Variants in AKAP19 observed in about 807,000 individuals in gnomAD.
AKAP19 encodes the protein small A-kinase anchoring protein.
At chr2:190,171,117 C>A in the AKAP19 span, among the ~76,000 whole-genome samples, 1 of 151,968 alleles carries the variant, frequency 6.6e-6, no homozygotes, top group South Asian at 2.1e-4. Flanking sequence ...CTCTAGGAAG[C>A]CAATCAAACA....
the AKAP19 span, among the ~76,000 whole-genome samples, chr2:190,081,637 C>T: frequency 6.6e-6 from 1 of 152,142 alleles, no homozygotes; most frequent in Non-Finnish European, 1.5e-5. Flanking sequence ...GTTTTATAGA[C>T]TTAAATTATT....
the AKAP19 span, among the ~76,000 whole-genome samples, chr2:190,009,996 C>A: frequency 6.6e-6 from 1 of 152,030 alleles, no homozygotes; most frequent in Non-Finnish European, 1.5e-5. Context: ...AAAAAAAGAG[C>A]AAGGATAGCT....
At chr2:190,127,939 T>G in the AKAP19 span, among the ~76,000 whole-genome samples, 2 of 151,940 alleles carry the variant, frequency 1.3e-5, no homozygotes, top group Admixed American at 1.3e-4. Context: ...AACCTGAGAA[T>G]TCACAGATAT....
the AKAP19 span, among the ~76,000 whole-genome samples, chr2:190,149,118 C>T: frequency 6.6e-6 from 1 of 152,034 alleles, no homozygotes; most frequent in Non-Finnish European, 1.5e-5. Context: ...CATGTGCCAC[C>T]ACACCTGGCT....
the AKAP19 span, among the ~76,000 whole-genome samples, chr2:190,194,817 T>TA: frequency 6.6e-6 from 1 of 152,074 alleles, no homozygotes; most frequent in African/African-American, 2.4e-5. Flanking sequence ...CTTAACTTAG[T>TA]AATAAGTATT....
At chr2:190,151,630 T>A in the AKAP19 span, among the ~76,000 whole-genome samples, 859 of 152,316 alleles carry the variant, frequency 5.6e-3, 41 homozygotes, top group East Asian at 0.11. Flanking sequence ...TTTGGGTTGA[T>A]CCCATGTCTT....
chr2:189,907,718 T>C, the AKAP19 span, among the ~76,000 whole-genome samples: 3 of 152,098 alleles, frequency 2.0e-5, no homozygotes, highest in Non-Finnish European at 2.9e-5. Flanking sequence ...GAATTATAGA[T>C]AGTTTTAATT....
chr2:190,062,194 C>G, the AKAP19 span: 3 of 1,610,674 alleles, frequency 1.9e-6, no homozygotes, highest in Non-Finnish European at 2.5e-6. Flanking sequence ...GTCAGCAGAA[C>G]TGTTGATATA....
the AKAP19 span, chr2:190,090,767 C>T: frequency 0.056 from 8,492 of 152,156 alleles, 334 homozygotes; most frequent in Admixed American, 0.092. Flanking sequence ...GAACAGGTCC[C>T]TCAAATGGTT....
At chr2:190,139,225 T>C in the AKAP19 span, among the ~76,000 whole-genome samples, 1 of 152,084 alleles carries the variant, frequency 6.6e-6, no homozygotes, top group Non-Finnish European at 1.5e-5. Context: ...AAAGGTTTGG[T>C]TAGGAGGTGA....
chr2:190,175,670 G>T, the AKAP19 span, among the ~76,000 whole-genome samples: 1 of 152,170 alleles, frequency 6.6e-6, no homozygotes, highest in Non-Finnish European at 1.5e-5. Flanking sequence ...TTCCACATAA[G>T]GAAGATAATG....
the AKAP19 span, among the ~76,000 whole-genome samples, chr2:190,195,199 G>A: frequency 6.6e-6 from 1 of 152,074 alleles, no homozygotes; most frequent in Non-Finnish European, 1.5e-5. Context: ...CCATTGTTTA[G>A]ATGTGCCACA....
chr2:189,972,100 T>A, the AKAP19 span, among the ~76,000 whole-genome samples: 1 of 152,164 alleles, frequency 6.6e-6, no homozygotes, highest in Admixed American at 6.5e-5. Context: ...TCTTCTAGGG[T>A]TTTTATGGTT....
At chr2:190,050,064 G>A in the AKAP19 span, among the ~76,000 whole-genome samples, 6 of 152,282 alleles carry the variant, frequency 3.9e-5, 1 homozygote, top group African/African-American at 1.2e-4. Flanking sequence ...GAAAAATAAA[G>A]CAAGGTTTAT....
chr2:190,183,074 C>T, the AKAP19 span, among the ~76,000 whole-genome samples: 1 of 152,128 alleles, frequency 6.6e-6, no homozygotes, highest in Non-Finnish European at 1.5e-5. Flanking sequence ...TTACTGTGAC[C>T]GTGGTACCTC....
At chr2:190,140,752 G>A in the AKAP19 span, among the ~76,000 whole-genome samples, 1 of 152,168 alleles carries the variant, frequency 6.6e-6, no homozygotes, top group Admixed American at 6.5e-5. Context: ...GACATAGCCT[G>A]GAGACATTTT....
the AKAP19 span, among the ~76,000 whole-genome samples, chr2:189,907,277 C>T: frequency 6.6e-6 from 1 of 152,122 alleles, no homozygotes; most frequent in Admixed American, 6.6e-5. Flanking sequence ...CCTCTACCTC[C>T]GATCCCATGT....
the AKAP19 span, among the ~76,000 whole-genome samples, chr2:189,940,522 G>T: frequency 6.6e-6 from 1 of 152,058 alleles, no homozygotes; most frequent in Non-Finnish European, 1.5e-5. Flanking sequence ...TTACTTCAAA[G>T]ACCAGGTTTA....
At chr2:190,068,761 G>C in the AKAP19 span, among the ~76,000 whole-genome samples, 1 of 152,106 alleles carries the variant, frequency 6.6e-6, no homozygotes, top group Non-Finnish European at 1.5e-5. Context: ...TAAGTGAAAG[G>C]GTTTTTAGTT....
Sources: gnomAD v4.1 joint callset for allele counts (sites outside exome capture counted in the v4.1 genomes callset) on GRCh38, gnomAD v4.1.1 for gene constraint, MANE v1.5 for transcripts, NCBI Gene and HGNC (gene_info 2026-07-23, HGNC 2026-07-21) for gene names.